KDM6A: variants seen among roughly 807,000 people sequenced by gnomAD.
KDM6A encodes the protein lysine demethylase 6A.
KDM6A carries 11 observed loss-of-function variants against 117.6 expected under a neutral mutation model. The ratio of observed to expected loss-of-function variants is 0.09; its 90% CI spans 0.06 to 0.15. KDM6A has a LOEUF of 0.15. Among genes scored for constraint, KDM6A ranks in the 10% least tolerant of loss-of-function variants. KDM6A has a pLI of 1.00. For synonymous variants in KDM6A, 384 were observed against 396.1 expected (o/e 0.97, Z 0.36); for missense variants, 799 against 1,077.3 (o/e 0.74, Z 3.62).
intron 19 of KDM6A, 47 bp from the exon 20 acceptor site, chrX:45,078,353 A>G: frequency 2.7e-6 from 3 of 1,114,483 alleles, no homozygotes; most frequent in Non-Finnish European, 3.7e-6. Flanking sequence ...ATATTTAAAT[A>G]AAAGCTCTGT....
chrX:45,041,177 A>C (rs1386983664), intron 8 of KDM6A, among the ~76,000 whole-genome samples: 1 of 37,569 alleles, frequency 2.7e-5, no homozygotes, highest in African/African-American at 1.5e-4. Context: ...CAGGGGGCTG[A>C]CCCCCCCCTC....
rs761443094 is a variant in KDM6A, at chrX:45,110,258, A to T, written c.4332+9A>T. 1 of 1,197,096 alleles carries T rather than the reference A, an allele frequency of 8.4e-7. No homozygotes were observed. The highest frequency in any genetic ancestry group is 1.1e-6 in the Non-Finnish European group (1 of 882,128). On this transcript the variant is annotated intron_variant, in intron 29 of 29. Transcript: ENST00000611820. ...ATGACCAATTTACATTAGTAAGTCA[A>T]ATCAACATGTGAGTACATAGTTAGC... is the stretch of plus-strand genomic sequence containing the variant.
At chrX:44,891,102 T>C (rs1225558145) in intron 2 of KDM6A, among the ~76,000 whole-genome samples, 1 of 111,031 alleles carries the variant, frequency 9.0e-6, no homozygotes, top group Admixed American at 9.7e-5. Flanking sequence ...AGGTACGTGG[T>C]TGGATTTTCT....
intron 4 of KDM6A, among the ~76,000 whole-genome samples, chrX:44,992,905 G>T (rs2040690797): frequency 1.8e-5 from 2 of 111,729 alleles, no homozygotes; most frequent in Admixed American, 1.9e-4. Context: ...GTCTTCATTG[G>T]CTGGGTGGTA....
At chrX:45,081,802 C>T (rs1490040118) in intron 21 of KDM6A, among the ~76,000 whole-genome samples, 1 of 109,056 alleles carries the variant, frequency 9.2e-6, no homozygotes, top group Non-Finnish European at 1.9e-5. Flanking sequence ...TTTTTTTAGA[C>T]GAGTCTCACT....
chrX:45,053,038 G>A (rs2043926762), intron 9 of KDM6A, among the ~76,000 whole-genome samples: 1 of 111,645 alleles, frequency 9.0e-6, no homozygotes, highest in African/African-American at 3.3e-5. Context: ...CAGGGCCAGT[G>A]AGGTAGGATT....
chrX:44,885,156 C>T (rs1173497836), intron 2 of KDM6A, among the ~76,000 whole-genome samples: 2 of 108,537 alleles, frequency 1.8e-5, no homozygotes, highest in Non-Finnish European at 1.9e-5. Context: ...ACTCCAGCTA[C>T]GTGGGACTAT....
intron 9 of KDM6A, among the ~76,000 whole-genome samples, chrX:45,052,953 C>G (rs1011863471): frequency 6.3e-5 from 7 of 111,361 alleles, no homozygotes. Context: ...CCTCAGCCTC[C>G]CCAAATTCTA....
chrX:45,076,630 T>G, intron 18 of KDM6A, 67 bp from the exon 19 acceptor site: 1 of 855,183 alleles, frequency 1.2e-6, no homozygotes, highest in Non-Finnish European at 1.7e-6. Context: ...TAATTCAGGA[T>G]TCTTTTTTTT....
intron 27 of KDM6A, among the ~76,000 whole-genome samples, chrX:45,092,287 A>G (rs1333566296): frequency 1.8e-5 from 2 of 111,609 alleles, no homozygotes; most frequent in Non-Finnish European, 3.8e-5. Context: ...TCTAACAGCT[A>G]TATAGACTGA....
At chrX:44,876,150 T>G (rs2031517500) in intron 2 of KDM6A, among the ~76,000 whole-genome samples, 1 of 111,635 alleles carries the variant, frequency 9.0e-6, no homozygotes, top group Non-Finnish European at 1.9e-5. Flanking sequence ...GACTCAGTGC[T>G]TGTGAGGTGT....
At chrX:45,002,062 G>C (rs1285137796) in intron 4 of KDM6A, among the ~76,000 whole-genome samples, 2 of 110,866 alleles carry the variant, frequency 1.8e-5, no homozygotes, top group Admixed American at 9.6e-5. Flanking sequence ...TTAAATGTGG[G>C]GACATCAGCA....
intron 2 of KDM6A, among the ~76,000 whole-genome samples, chrX:44,901,308 G>A (rs1041873686): frequency 9.0e-6 from 1 of 110,882 alleles, no homozygotes; most frequent in African/African-American, 3.3e-5. Context: ...TTGAACCTGA[G>A]AGGCAGAGGT....
Position 45,011,267 on chromosome X carries a change from G to T in KDM6A, c.443+248G>T, listed in dbSNP as rs2041745554. ...ATAAGATTCTGTTGAAGAAGGCTTA[G>T]ATTAGAAAGCTTTTTGGAATTTCTT... On this transcript the variant is annotated intron_variant, in intron 5 of 29. Coordinates refer to ENST00000611820, the MANE Select transcript of KDM6A (RefSeq NM_001291415.2). Among the ~76,000 whole-genome samples the T allele has an allele frequency of 4.5e-5, 5 of 111,724 alleles. No individual in the cohort carries two copies. In the South Asian group the frequency reaches 1.5e-3, roughly 33 times the overall value.
intron 4 of KDM6A, among the ~76,000 whole-genome samples, chrX:44,993,451 C>A (rs993567852): frequency 9.1e-6 from 1 of 110,302 alleles, no homozygotes. Flanking sequence ...CTCAAGTGGT[C>A]TGCCCACTTC....
At chrX:44,963,483 G>GTGTGTGTGTGTGTGTGTGTCTGTCTGTC (rs1481840859) in intron 3 of KDM6A, among the ~76,000 whole-genome samples, 3 of 40,884 alleles carry the variant, frequency 7.3e-5, no homozygotes, top group African/African-American at 2.3e-4. Flanking sequence ...GTGTGTGTGT[G>GTGTGTGTGTGTGTGTGTGTCTGTCTGTC]TGTCTGTCTG....
At chrX:44,874,092 G>A in intron 2 of KDM6A, 105 bp downstream of exon 2, 8 of 731,524 alleles carry the variant, frequency 1.1e-5, no homozygotes, top group East Asian at 1.0e-4. Flanking sequence ...CACGGACGAT[G>A]GTCGAGGGGC....
chrX:44,971,058 G>A (rs967165249), intron 3 of KDM6A, among the ~76,000 whole-genome samples: 7 of 110,902 alleles, frequency 6.3e-5, no homozygotes, highest in Middle Eastern at 4.6e-3. Flanking sequence ...AATCAATAAC[G>A]GGGATTGAGA....
intron 4 of KDM6A, among the ~76,000 whole-genome samples, chrX:45,005,031 CT>C (rs1415874241): frequency 3.6e-5 from 4 of 111,077 alleles, no homozygotes; most frequent in South Asian, 3.9e-4. Context: ...TGGCCCCCCC[CT>C]CCTTATGGTA....
Sources: allele counts gnomAD v4.1 joint callset (sites outside exome capture counted in the v4.1 genomes callset), GRCh38; gene constraint gnomAD v4.1.1; transcripts MANE v1.5; gene names NCBI Gene and HGNC (gene_info 2026-07-23, HGNC 2026-07-21).